MCC: variants seen among roughly 807,000 people sequenced by gnomAD.
MCC encodes colorectal mutant cancer protein.
A neutral mutation model predicts 116.2 loss-of-function variants in MCC; 90 were observed. The ratio of observed to expected loss-of-function variants is 0.77; its 90% CI spans 0.65 to 0.92. The LOEUF is 0.92. Among genes scored for constraint, MCC ranks in the 40% least tolerant of loss-of-function variants. The pLI is 0.00. For missense variants in MCC, 1,516 were observed against 1,312.2 expected (o/e 1.16, Z -2.40); for synonymous variants, 578 against 510.5 (o/e 1.13, Z -1.78).
intron 3 of MCC, among the ~76,000 whole-genome samples, chr5:113,232,335 G>T (rs1763966547): frequency 6.6e-6 from 1 of 152,302 alleles, no homozygotes; most frequent in East Asian, 1.9e-4. Context: ...GTGGATTTCA[G>T]TGGGTGAATG....
intron 1 of MCC, among the ~76,000 whole-genome samples, chr5:113,402,888 G>T (rs1279161248): frequency 6.6e-6 from 1 of 152,090 alleles, no homozygotes; most frequent in Non-Finnish European, 1.5e-5. Context: ...TTGAACTCCA[G>T]GGTTCAAGTG....
chr5:113,355,036 T>A (rs1219274198), intron 2 of MCC, among the ~76,000 whole-genome samples: 1 of 152,080 alleles, frequency 6.6e-6, no homozygotes, highest in Non-Finnish European at 1.5e-5. Flanking sequence ...AGCTTTTATA[T>A]TAATGACTGA....
At chr5:113,075,853 C>T (rs764090627) in intron 11 of MCC, among the ~76,000 whole-genome samples, 5 of 152,148 alleles carry the variant, frequency 3.3e-5, no homozygotes, top group East Asian at 3.9e-4. Flanking sequence ...TAACACTCAA[C>T]GTGAAGGTCT....
At chr5:113,075,220 C>G (rs1354273386) in intron 11 of MCC, among the ~76,000 whole-genome samples, 1 of 152,346 alleles carries the variant, frequency 6.6e-6, no homozygotes. Flanking sequence ...CACAGCACTT[C>G]CGGCCCGCTC....
intron 14 of MCC, among the ~76,000 whole-genome samples, chr5:113,054,432 T>C (rs6896675): frequency 0.94 from 142,665 of 152,286 alleles, 67,200 homozygotes; most frequent in East Asian, 1. Context: ...TGGTCAGAAC[T>C]TAAAAAAGGT....
At chr5:113,196,364 T>C (rs1270838226) in intron 3 of MCC, among the ~76,000 whole-genome samples, 1 of 152,152 alleles carries the variant, frequency 6.6e-6, no homozygotes, top group African/African-American at 2.4e-5. Context: ...GAGGGAGCAG[T>C]AGGGCCCATA....
At chr5:113,241,726 A>C (rs985009364) in intron 3 of MCC, among the ~76,000 whole-genome samples, 1 of 152,230 alleles carries the variant, frequency 6.6e-6, no homozygotes, top group African/African-American at 2.4e-5. Context: ...GAAAGCATGT[A>C]ATCTGAGCCA....
intron 1 of MCC, among the ~76,000 whole-genome samples, chr5:113,485,663 G>A (rs1489696599): frequency 6.6e-6 from 1 of 152,156 alleles, no homozygotes; most frequent in Non-Finnish European, 1.5e-5. Context: ...AATGGTGTTG[G>A]AGAAAGGTAG....
At chr5:113,344,776 C>G (rs892501197) in intron 2 of MCC, among the ~76,000 whole-genome samples, 2 of 151,980 alleles carry the variant, frequency 1.3e-5, no homozygotes, top group African/African-American at 4.8e-5. Flanking sequence ...CCCGAATAAT[C>G]AGTAGTAGTA....
intron 1 of MCC, among the ~76,000 whole-genome samples, chr5:113,408,496 A>C (rs889621350): frequency 1.3e-5 from 2 of 152,314 alleles, no homozygotes; most frequent in Admixed American, 1.3e-4. Flanking sequence ...CTGACAATGA[A>C]TTATCCTCAC....
chr5:113,079,193 G>C (rs1017580310), intron 11 of MCC, among the ~76,000 whole-genome samples: 2 of 152,196 alleles, frequency 1.3e-5, no homozygotes, highest in African/African-American at 4.8e-5. Context: ...CATGCTCATG[G>C]ATAGGAAGAA....
chr5:113,157,971 G>T (rs1156808575), intron 3 of MCC, among the ~76,000 whole-genome samples: 1 of 152,198 alleles, frequency 6.6e-6, no homozygotes, highest in African/African-American at 2.4e-5. Flanking sequence ...TGATGCCATG[G>T]CATTTGATGT....
chr5:113,120,242 G>A (rs1405008081), intron 6 of MCC, among the ~76,000 whole-genome samples: 1 of 152,178 alleles, frequency 6.6e-6, no homozygotes. Flanking sequence ...ATGTTGGTAT[G>A]AACTTAGCAT....
intron 2 of MCC, among the ~76,000 whole-genome samples, chr5:113,381,939 G>A (rs1769135039): frequency 6.6e-6 from 1 of 152,190 alleles, no homozygotes; most frequent in Non-Finnish European, 1.5e-5. Flanking sequence ...AAGTCCAAGA[G>A]AATAAAGTAT....
chr5:113,473,753 A>C (rs1424259419), intron 1 of MCC, among the ~76,000 whole-genome samples: 1 of 152,240 alleles, frequency 6.6e-6, no homozygotes, highest in East Asian at 1.9e-4. Flanking sequence ...TAACAACTAC[A>C]AATAAAGAGA....
intron 3 of MCC, 147 bp from the exon 4 acceptor site, chr5:113,151,569 G>A (rs1759879000): frequency 3.4e-6 from 2 of 595,784 alleles, no homozygotes; most frequent in Non-Finnish European, 6.0e-6. Context: ...ATGAGTTTTG[G>A]GGACAACAGG....
At chr5:113,128,828 G>C (rs914096767) in intron 5 of MCC, among the ~76,000 whole-genome samples, 2 of 152,120 alleles carry the variant, frequency 1.3e-5, no homozygotes, top group Non-Finnish European at 2.9e-5. Flanking sequence ...AACATGTTTT[G>C]CTGGCAGACA....
chr5:113,377,460 A>G (rs77232009), intron 2 of MCC, among the ~76,000 whole-genome samples: 5,858 of 152,246 alleles, frequency 0.038, 383 homozygotes, highest in African/African-American at 0.13. Flanking sequence ...AGTAGATAAA[A>G]GAGAGCTGTA....
chr5:113,141,217 A>C (rs35334140), intron 5 of MCC, among the ~76,000 whole-genome samples: 69,291 of 151,940 alleles, frequency 0.46, 19,213 homozygotes, highest in East Asian at 0.68. Context: ...TAGCCTTTGG[A>C]CTCCAGGACC....
Sources: allele counts gnomAD v4.1 joint callset (sites outside exome capture counted in the v4.1 genomes callset), GRCh38; gene constraint gnomAD v4.1.1; transcripts MANE v1.5; gene names NCBI Gene and HGNC (gene_info 2026-07-23, HGNC 2026-07-21).